FABP6: variants seen among roughly 807,000 people sequenced by gnomAD.
FABP6 encodes fatty acid binding protein 6.
FABP6 carries 13 observed loss-of-function variants against 14.9 expected under a neutral mutation model. The ratio of observed to expected loss-of-function variants is 0.87; its 90% CI spans 0.57 to 1.39. The LOEUF (loss-of-function observed/expected upper bound fraction) is 1.39, where lower values mean the gene tolerates loss of function less well. FABP6 is among the 40% of genes most tolerant of loss of function. FABP6 has a pLI of 0.00. For missense variants in FABP6, 161 were observed against 167.2 expected, an observed-to-expected ratio of 0.96 and a Z score of 0.20; for synonymous variants, 75 against 63.6, an observed-to-expected ratio of 1.18 and a Z score of -0.85.
chr5:160,233,193 G>A (rs551313619), intron 2 of FABP6, among the ~76,000 whole-genome samples: 3 of 151,848 alleles, frequency 2.0e-5, no homozygotes, highest in Non-Finnish European at 4.4e-5. Context: ...TGTTGACCAG[G>A]CTGGTCTCAA....
chr5:160,191,327 C>T (rs1034806882), intron 1 of FABP6, among the ~76,000 whole-genome samples: 2 of 151,716 alleles, frequency 1.3e-5, no homozygotes, highest in African/African-American at 4.8e-5. Flanking sequence ...ATTAGCCAGG[C>T]ATGGTGGCGG....
chr5:160,234,770 T>C (rs751960959), intron 2 of FABP6, 50 bp from the exon 3 acceptor site: 1 of 1,490,282 alleles, frequency 6.7e-7, no homozygotes, highest in Non-Finnish European at 9.2e-7. Flanking sequence ...CCCCAGATAG[T>C]TGCCAATCAC....
chr5:160,194,671 C>T (rs1759475283), intron 1 of FABP6, among the ~76,000 whole-genome samples: 1 of 152,230 alleles, frequency 6.6e-6, no homozygotes, highest in African/African-American at 2.4e-5. Context: ...CCAACTCTCC[C>T]AGGCTTTTTG....
At chr5:160,215,202 A>C (rs1225536241) in intron 3 of FABP6, among the ~76,000 whole-genome samples, 4 of 152,220 alleles carry the variant, frequency 2.6e-5, no homozygotes. Flanking sequence ...TGTACAATGG[A>C]TTACAATATG....
intron 2 of FABP6, among the ~76,000 whole-genome samples, chr5:160,201,306 C>T (rs1759634328): frequency 1.3e-5 from 2 of 149,788 alleles, no homozygotes; most frequent in South Asian, 4.2e-4. Flanking sequence ...TGCAGTGAGT[C>T]AAGATCGCGA....
Position 160,195,629 on chromosome 5 carries a change from T to C in FABP6, c.-58-3420T>C, listed in dbSNP as rs1257513142. 8.5e-5 allele frequency: 13 copies of C among 152,194 alleles called. 1 individual carries two copies. Among genetic ancestry groups the C allele is most frequent in the Admixed American group, 8.5e-4 (13 of 15,266 alleles). The allele number at this position is 152,194 out of a possible 1,614,324, so 9.4% of individuals were successfully genotyped here. A position where few individuals can be genotyped will look rare whatever the true frequency, so the allele number is the denominator to read the frequency against. On this transcript the variant is annotated intron_variant, in intron 1 of 6. Coordinates refer to the FABP6 transcript ENST00000393980. ...ACCACCTTACCCAGATAATTTTTGG[T>C]AGAGACAGGGTTTTGCCTTGTTACT...
Position 160,229,567 on chromosome 5 carries a change from A to G in FABP6, c.10A>G (p.Thr4Ala), listed in dbSNP as rs1680662517. The change falls in exon 1 of 4, where the codon ACC becomes GCC. Residue 4 changes from threonine (T) to alanine (A), a missense_variant. Coordinates refer to ENST00000402432, the MANE Select transcript of FABP6 (RefSeq NM_001445.3). Reference sequence around the variant, plus strand: ...CCAGCCTCCCAGCAGCATGGCTTTCACCGGCAAGTTCGAGATGGAGAGTGA... The same window carrying G: ...CCAGCCTCCCAGCAGCATGGCTTTCGCCGGCAAGTTCGAGATGGAGAGTGA... Reference protein sequence around the residue: MAFTGKFEMESEKN... With the variant: MAFAGKFEMESEKN... The G allele has an allele frequency of 1.2e-6, 2 of 1,613,856 alleles. No individual in the cohort carries two copies. Among genetic ancestry groups the G allele is most frequent in the African/African-American group, 2.7e-5 (2 of 74,896 alleles).
upstream of FABP6, among the ~76,000 whole-genome samples, chr5:160,227,553 G>C (rs774443869): frequency 6.7e-6 from 1 of 149,602 alleles, no homozygotes; most frequent in Admixed American, 6.8e-5. Context: ...AGGCATGGTG[G>C]CATGTACTTG....
chr5:160,188,112 G>T (rs890622462), intron 1 of FABP6, among the ~76,000 whole-genome samples: 27 of 152,138 alleles, frequency 1.8e-4, no homozygotes, highest in Middle Eastern at 3.4e-3. Flanking sequence ...ATTCCTCTGG[G>T]GCAGCCCTCC....
chr5:160,207,526 T>C (rs1449567220), intron 2 of FABP6, among the ~76,000 whole-genome samples: 1 of 152,180 alleles, frequency 6.6e-6, no homozygotes, highest in Non-Finnish European at 1.5e-5. Context: ...ACAGTGTAAA[T>C]CATCTTTCAA....
intron 3 of FABP6, among the ~76,000 whole-genome samples, chr5:160,222,868 C>A (rs1170600377): frequency 6.6e-6 from 1 of 152,120 alleles, no homozygotes; most frequent in Non-Finnish European, 1.5e-5. Context: ...TGTTCTAGAC[C>A]CCTTAAGTTT....
chr5:160,204,016 C>A (rs1759704040), intron 2 of FABP6, among the ~76,000 whole-genome samples: 1 of 151,788 alleles, frequency 6.6e-6, no homozygotes, highest in Non-Finnish European at 1.5e-5. Context: ...CACTATATTT[C>A]ATCTGTAAAT....
chr5:160,236,745 G>A (rs926999159), intron 3 of FABP6, among the ~76,000 whole-genome samples: 4 of 151,852 alleles, frequency 2.6e-5, no homozygotes, highest in South Asian at 4.2e-4. Flanking sequence ...GCTGAGGCAA[G>A]TGGATCACCT....
chr5:160,216,147 C>T (rs1760008428), intron 3 of FABP6, among the ~76,000 whole-genome samples: 1 of 152,146 alleles, frequency 6.6e-6, no homozygotes, highest in South Asian at 2.1e-4. Context: ...AAGCTTCATT[C>T]AATGGGGTGA....
intron 1 of FABP6, among the ~76,000 whole-genome samples, chr5:160,196,180 G>A (rs1264104169): frequency 2.0e-5 from 3 of 152,216 alleles, no homozygotes; most frequent in Non-Finnish European, 4.4e-5. Context: ...ATGATGCCTG[G>A]GGAGCCACCA....
intron 1 of FABP6, chr5:160,198,153 A>G (rs138520157): frequency 6.6e-6 from 1 of 152,108 alleles, no homozygotes; most frequent in African/African-American, 2.4e-5. Flanking sequence ...CACAGACCCA[A>G]GATATAGCCC....
intron 3 of FABP6, 90 bp downstream of exon 3, chr5:160,234,999 G>C: frequency 9.4e-7 from 1 of 1,068,346 alleles, no homozygotes. Context: ...TACGCAGCTG[G>C]CTTTACCAGC....
intron 2 of FABP6, chr5:160,204,748 C>G (rs551629242): frequency 5.8e-4 from 89 of 152,454 alleles, no homozygotes; most frequent in African/African-American, 2.0e-3. Context: ...GCCTCGGCCT[C>G]CCAAAGTGCT....
At chr5:160,229,686 G>T (rs2113137019) in intron 1 of FABP6, 62 bp downstream of exon 1, 9 of 1,473,164 alleles carry the variant, frequency 6.1e-6, no homozygotes, top group Non-Finnish European at 8.5e-6. Flanking sequence ...CTCTGGGCCA[G>T]GAACCCTAAA....
Sources: allele counts gnomAD v4.1 joint callset (sites outside exome capture counted in the v4.1 genomes callset), GRCh38; gene constraint gnomAD v4.1.1; transcripts MANE v1.5; gene names NCBI Gene and HGNC (gene_info 2026-07-23, HGNC 2026-07-21).